The following MEF2C variants were observed in gnomAD, a reference collection of about 807,000 sequenced individuals.
MEF2C encodes myocyte enhancer factor 2C, also known as myocyte-specific enhancer factor 2C.
A neutral mutation model predicts 50.5 loss-of-function variants in MEF2C; 6 were observed. The observed-to-expected ratio is 0.12, with a 90% CI of 0.07 to 0.23. The LOEUF (loss-of-function observed/expected upper bound fraction) is 0.23, where lower values mean the gene tolerates loss of function less well. MEF2C is among the 10% of genes least tolerant of loss of function. The pLI is 1.00. For synonymous variants in MEF2C, 183 were observed against 228.0 expected (o/e 0.80, Z 1.78); for missense variants, 276 against 605.0 (o/e 0.46, Z 5.70).
intron 6 of MEF2C, among the ~76,000 whole-genome samples, chr5:88,745,353 T>TA (rs1486132298): frequency 1.3e-5 from 2 of 152,214 alleles, no homozygotes; most frequent in African/African-American, 4.8e-5. Flanking sequence ...ACTTGTCTGT[T>TA]AGAGTCAGGA....
intron 1 of MEF2C, among the ~76,000 whole-genome samples, chr5:88,868,836 T>C (rs1409872933): frequency 6.6e-6 from 1 of 152,186 alleles, no homozygotes; most frequent in East Asian, 1.9e-4. Context: ...AATTAAAATG[T>C]TGGCAGTAAA....
chr5:88,892,520 C>T (rs369635768), intron 1 of MEF2C, among the ~76,000 whole-genome samples: 2 of 152,202 alleles, frequency 1.3e-5, no homozygotes, highest in East Asian at 1.9e-4. Context: ...GGGGTTATCA[C>T]AGCAGAAAGA....
At chr5:88,846,851 T>C (rs547794563) in intron 1 of MEF2C, among the ~76,000 whole-genome samples, 1 of 152,352 alleles carries the variant, frequency 6.6e-6, no homozygotes, top group East Asian at 1.9e-4. Context: ...GGAATGGATA[T>C]AGTCTGGCAG....
At chr5:88,742,067 G>A in intron 6 of MEF2C, 6 of 985,340 alleles carry the variant, frequency 6.1e-6, no homozygotes, top group Non-Finnish European at 7.2e-6. Flanking sequence ...ATTGGCAAAG[G>A]TTTGTCTAAA....
intron 1 of MEF2C, among the ~76,000 whole-genome samples, chr5:88,847,789 G>A (rs1819862503): frequency 2.0e-5 from 3 of 151,946 alleles, no homozygotes; most frequent in Admixed American, 2.0e-4. Context: ...CATAAAATTA[G>A]GATACAACAT....
At chr5:88,811,167 A>C (rs541586964) in intron 2 of MEF2C, among the ~76,000 whole-genome samples, 6 of 152,164 alleles carry the variant, frequency 3.9e-5, no homozygotes, top group Non-Finnish European at 8.8e-5. Flanking sequence ...TGGTAAACAG[A>C]CTGATGTAGG....
At chr5:88,761,152 G>A (rs776586013) in intron 4 of MEF2C, 33 bp downstream of exon 4, 7 of 1,613,916 alleles carry the variant, frequency 4.3e-6, no homozygotes, top group Admixed American at 1.7e-5. Context: ...AATATCAAGA[G>A]TAAAAAAAAT....
intron 10 of MEF2C, 113 bp from the exon 11 acceptor site, chr5:88,723,038 A>T (rs1756900614): frequency 1.0e-6 from 1 of 965,950 alleles, no homozygotes; most frequent in African/African-American, 1.7e-5. Flanking sequence ...GAGCATGCCC[A>T]GAGTGAAGAA....
intron 1 of MEF2C, among the ~76,000 whole-genome samples, chr5:88,842,272 TA>T (rs1179994997): frequency 6.6e-6 from 1 of 152,132 alleles, no homozygotes; most frequent in Non-Finnish European, 1.5e-5. Context: ...GCTACAATAT[TA>T]AGAATCCGGC....
intron 4 of MEF2C, among the ~76,000 whole-genome samples, chr5:88,756,515 T>A (rs536411273): frequency 6.6e-6 from 1 of 152,222 alleles, no homozygotes; most frequent in South Asian, 2.1e-4. Flanking sequence ...AGAATCAGAA[T>A]AAACACTAGC....
intron 1 of MEF2C, among the ~76,000 whole-genome samples, chr5:88,890,429 T>C (rs1035548653): frequency 2.0e-5 from 3 of 152,236 alleles, no homozygotes; most frequent in East Asian, 1.9e-4. Flanking sequence ...TATGTTATCA[T>C]GTTCTTGAAA....
intron 3 of MEF2C, among the ~76,000 whole-genome samples, chr5:88,763,147 C>T (rs1778584658): frequency 6.6e-6 from 1 of 152,038 alleles, no homozygotes; most frequent in African/African-American, 2.4e-5. Context: ...AACAAATAAA[C>T]ATATGGTTAC....
At chr5:88,745,455 T>C (rs1018713031) in intron 6 of MEF2C, among the ~76,000 whole-genome samples, 7 of 152,200 alleles carry the variant, frequency 4.6e-5, no homozygotes, top group African/African-American at 1.7e-4. Context: ...ATGCTAGGAT[T>C]GCATAGGTAA....
At chr5:88,734,398 G>A (rs1762977021) in intron 6 of MEF2C, 2 of 985,224 alleles carry the variant, frequency 2.0e-6, no homozygotes, top group Non-Finnish European at 2.4e-6. Context: ...TAGATCAGAA[G>A]AAACTAAAAC....
chr5:88,838,660 T>C, intron 1 of MEF2C: 1 of 985,330 alleles, frequency 1.0e-6, no homozygotes. Flanking sequence ...AGTAGGTTTC[T>C]AAAACACACC....
At position 88,751,912 on chromosome 5, in the gene MEF2C, C is replaced by T. The variant is rs1342956146; in HGVS notation, c.534G>A (p.Gln178=). The T allele has an allele frequency of 6.2e-6, 10 of 1,613,888 alleles. No homozygotes were observed. Among genetic ancestry groups the T allele is most frequent in the African/African-American group, 1.3e-5 (1 of 74,920 alleles). ...TTACACCAGGAGACATACTATTCCT[C>T]TGCAGAGAAGGGTGAGCCAGTGGCA... is the stretch of plus-strand genomic sequence containing the variant. ...NLLPLAHPSL[Q]RNSMSPGVTH... Residue 178 remains glutamine (Q), a synonymous_variant, in exon 5 of 11, where the codon CAG becomes CAA. Coordinates refer to ENST00000504921, the MANE Select transcript of MEF2C (RefSeq NM_002397.5).
In MEF2C at chr5:88,761,256, G is replaced by C; in HGVS notation, c.331C>G (p.Pro111Ala). ...TTCCTGTACTTGTCCTCAGACTCAG[G>C]GCTGTGACCTACGGAATCGTCCGCA... The part of the protein sequence containing the change: ...PDADDSVGHS[P>A]ESEDKYRKIN... Residue 111 changes from proline (P) to alanine (A), a missense_variant, in exon 4 of 11, where the codon CCT becomes GCT. Pro to Ala is a conservative substitution (Grantham distance 27, BLOSUM62 -1). Coordinates refer to ENST00000504921, the MANE Select transcript of MEF2C (RefSeq NM_002397.5). 1.2e-6 allele frequency: 2 copies of C among 1,613,930 alleles called. No homozygotes were observed. The highest frequency in any genetic ancestry group is 1.7e-6 in the Non-Finnish European group (2 of 1,179,882).
At chr5:88,775,717 C>G in intron 3 of MEF2C, 1 of 683,014 alleles carries the variant, frequency 1.5e-6, no homozygotes, top group Non-Finnish European at 1.8e-6. Flanking sequence ...TTTCCCATGA[C>G]TGCATATATT....
At chr5:88,739,084 C>G (rs1489585424) in intron 6 of MEF2C, 2 of 985,076 alleles carry the variant, frequency 2.0e-6, no homozygotes, top group South Asian at 4.7e-5. Context: ...TTTAAGAGAC[C>G]AGCTTCTATC....
Sources: allele counts gnomAD v4.1 joint callset (sites outside exome capture counted in the v4.1 genomes callset), GRCh38; gene constraint gnomAD v4.1.1; transcripts MANE v1.5; gene names NCBI Gene and HGNC (gene_info 2026-07-23, HGNC 2026-07-21).